The following CPLANE1 variants were observed in gnomAD, a reference collection of about 807,000 sequenced individuals.
CPLANE1 encodes ciliogenesis and planar polarity effector 1.
In CPLANE1, 263 loss-of-function variants were observed where a neutral mutation model predicts 362.5. That is an observed-to-expected ratio of 0.73 (90% CI 0.66 to 0.80). The LOEUF (loss-of-function observed/expected upper bound fraction) is 0.80. CPLANE1 is among the 30% of genes least tolerant of loss of function. The pLI is 0.00. For synonymous variants in CPLANE1, 1,212 were observed against 1,302.6 expected, an observed-to-expected ratio of 0.93 and a Z score of 1.50; for missense variants, 3,461 against 3,793.4, an observed-to-expected ratio of 0.91 and a Z score of 2.30.
chr5:37,140,807 T>C, intron 44 of CPLANE1: 1 of 985,436 alleles, frequency 1.0e-6, no homozygotes, highest in Non-Finnish European at 1.2e-6. Flanking sequence ...CAGTACCTGT[T>C]TATTACCAAG....
Position 37,224,246 on chromosome 5 carries a change from C to G in CPLANE1, c.2581+7G>C. ...ATTATGGCACATATTTTTTAACACT[C>G]TCTTACCTTTCTCTTCGATTTCTTG... On this transcript the variant is annotated splice_region_variant and intron_variant, in intron 14 of 52. Coordinates refer to ENST00000651892, the MANE Select transcript of CPLANE1 (RefSeq NM_001384732.1). The G allele has an allele frequency of 6.5e-7, 1 of 1,537,536 alleles. No homozygotes were observed. Among genetic ancestry groups the G allele is most frequent in the Non-Finnish European group, 8.8e-7 (1 of 1,135,416 alleles).
chr5:37,182,477 C>A (rs927689861), intron 26 of CPLANE1, among the ~76,000 whole-genome samples: 1 of 152,180 alleles, frequency 6.6e-6, no homozygotes, highest in Non-Finnish European at 1.5e-5. Context: ...AAATAATATA[C>A]GTGTAATACC....
chr5:37,125,359 CTT>C lies in CPLANE1; in HGVS notation c.8841_8842del (p.Glu2949AspfsTer19). 1 of 1,613,852 alleles carries C rather than the reference CTT, an allele frequency of 6.2e-7. No individual in the cohort carries two copies. Among genetic ancestry groups the C allele is most frequent in the Non-Finnish European group, 8.5e-7 (1 of 1,179,952 alleles). On this transcript the variant is annotated frameshift_variant, in exon 47 of 53. Transcript: ENST00000651892. LOFTEE classifies it high-confidence loss of function. The stretch of plus-strand genomic sequence containing the variant: ...TCTTTTCATCCAGGCTTGAATCTCT[CTT>C]CTTTCCTTGTCAGTTCTTTGTGAAT...
In CPLANE1 at chr5:37,228,148, A is replaced by T. The variant is rs149868715; in HGVS notation, c.1122-331T>A. ...TTAAATAGTTAACTTTCCTCTTACC[A>T]TATATTTAAATATGCTTACACAAAT... On this transcript the variant is annotated intron_variant, in intron 9 of 52. Coordinates refer to ENST00000651892, the MANE Select transcript of CPLANE1 (RefSeq NM_001384732.1). 3.6e-4 allele frequency among the ~76,000 whole-genome samples: 55 copies of T among 152,290 alleles called. No homozygotes were observed. In the East Asian group the frequency reaches 6.5e-3, roughly 18 times the overall value.
intron 46 of CPLANE1, among the ~76,000 whole-genome samples, chr5:37,137,918 T>G (rs531711426): frequency 6.6e-6 from 1 of 150,566 alleles, no homozygotes; most frequent in Non-Finnish European, 1.5e-5. Context: ...ATATCAGGGT[T>G]GTTTTTTTTT....
rs1358973278 is a variant in CPLANE1, at chr5:37,209,671, A to G, written c.2921-3246T>C. On this transcript the variant is annotated intron_variant, in intron 16 of 52. Transcript: ENST00000651892. The surrounding 1 kb of genome is among the most constrained non-coding windows in gnomAD (Gnocchi z 4.6). ...TTTCTAGAAAGTGGTTTGGCAAAAG[A>G]AAAGGTATTTACTATGCAGGATCTA... is the stretch of plus-strand genomic sequence containing the variant. The G allele has an allele frequency of 7.4e-7, 1 of 1,350,326 alleles. No individual in the cohort carries two copies. The highest frequency in any genetic ancestry group is 1.4e-5 in the African/African-American group (1 of 69,602). 83.6% of individuals were successfully genotyped at this position (1,350,326 alleles called of 1,614,324 possible). A position where few individuals can be genotyped will look rare whatever the true frequency, so the allele number is the denominator to read the frequency against.
chr5:37,246,152 CTTT>C (rs11299594), intron 2 of CPLANE1: 132 of 130,006 alleles, frequency 1.0e-3, no homozygotes, highest in Non-Finnish European at 1.5e-3. Context: ...ACTTTTTAAT[CTTT>C]TTTTTTTTTT....
intron 32 of CPLANE1, 152 bp from the exon 33 acceptor site, chr5:37,170,483 A>T (rs1779477536): frequency 1.4e-5 from 9 of 629,948 alleles, no homozygotes; most frequent in South Asian, 2.6e-5. Flanking sequence ...AGTCAGGGAA[A>T]TTTTTTTTTT....
intron 8 of CPLANE1, among the ~76,000 whole-genome samples, chr5:37,236,371 G>C (rs192233078): frequency 6.6e-6 from 1 of 152,216 alleles, no homozygotes; most frequent in African/African-American, 2.4e-5. Flanking sequence ...AAATTGGATA[G>C]ATGTGCAGAA....
chr5:37,201,694 T>A lies in CPLANE1; in HGVS notation c.3404A>T (p.Asp1135Val), dbSNP rs780763762. The A allele has an allele frequency of 7.4e-6, 12 of 1,613,844 alleles. No individual in the cohort carries two copies. Among genetic ancestry groups the A allele is most frequent in the African/African-American group, 4.0e-5 (3 of 74,876 alleles). The change falls in exon 19 of 53, where the codon GAC (aspartate) becomes GTC (valine). Residue 1135 changes from aspartate (D) to valine (V), a missense_variant. By Grantham distance (152) the Asp-to-Val change is radical. Transcript: ENST00000651892. ...TCTTTTACTGAAGTCCTTGGCAGAG[T>A]CTATCAGAAGTTGAAATGTCTCCGA... ...ILSETFQLLI[D>V]SAKDFSKRLW...
At chr5:37,157,911 T>A (rs1460186775) in intron 39 of CPLANE1, 43 bp from the exon 40 acceptor site, 1 of 929,420 alleles carries the variant, frequency 1.1e-6, no homozygotes, top group Non-Finnish European at 1.5e-6. Context: ...ACATTCTTTT[T>A]ACTCTATGTG....
chr5:37,150,437 G>A (rs1173906018), intron 42 of CPLANE1, among the ~76,000 whole-genome samples: 32 of 151,982 alleles, frequency 2.1e-4, no homozygotes, highest in Non-Finnish European at 5.9e-5. Context: ...CTGCTTTTGA[G>A]GAACTGCCTA....
chr5:37,116,140 T>C (rs1035453732), intron 50 of CPLANE1, among the ~76,000 whole-genome samples: 1 of 151,690 alleles, frequency 6.6e-6, no homozygotes, highest in African/African-American at 2.4e-5. Context: ...ATTTAAAAAT[T>C]ACCCAGGTGT....
intron 19 of CPLANE1, among the ~76,000 whole-genome samples, chr5:37,199,523 C>T (rs1218262645): frequency 2.0e-5 from 3 of 152,210 alleles, no homozygotes; most frequent in Non-Finnish European, 2.9e-5. Flanking sequence ...TCCCACTGTA[C>T]TCAGAACTCC....
chr5:37,145,125 G>A (rs1771137856), intron 43 of CPLANE1, among the ~76,000 whole-genome samples: 2 of 152,082 alleles, frequency 1.3e-5, no homozygotes, highest in Admixed American at 1.3e-4. Context: ...CCAACATGGT[G>A]AAACCCCATC....
At chr5:37,180,219 C>A in intron 27 of CPLANE1, 36 bp from the exon 28 acceptor site, 1 of 1,346,744 alleles carries the variant, frequency 7.4e-7, no homozygotes, top group South Asian at 1.8e-5. Flanking sequence ...TACAACTATT[C>A]TTGGAGATAA....
intron 6 of CPLANE1, 39 bp from the exon 7 acceptor site, chr5:37,239,908 G>A (rs945073399): frequency 7.4e-7 from 1 of 1,358,780 alleles, no homozygotes; most frequent in African/African-American, 1.5e-5. Context: ...AAAAGGTATA[G>A]TAACTTTTAA....
chr5:37,093,033 G>A, the CPLANE1 span, among the ~76,000 whole-genome samples: 128 of 152,106 alleles, frequency 8.4e-4, 1 homozygote, highest in Admixed American at 1.5e-3. Flanking sequence ...TTTGACATGC[G>A]ATTGGCAAGG....
At chr5:37,159,827 T>C (rs1020747741) in intron 38 of CPLANE1, among the ~76,000 whole-genome samples, 1 of 152,222 alleles carries the variant, frequency 6.6e-6, no homozygotes, top group African/African-American at 2.4e-5. Flanking sequence ...GATACATCTT[T>C]AATAAGTCAT....
Sources: gnomAD v4.1 joint callset for allele counts (sites outside exome capture counted in the v4.1 genomes callset) on GRCh38, gnomAD v4.1.1 for gene constraint, Gnocchi (gnomAD v3.1) non-coding constraint, MANE v1.5 for transcripts, NCBI Gene and HGNC (gene_info 2026-07-23, HGNC 2026-07-21) for gene names.